GRIK3: variants seen among roughly 807,000 people sequenced by gnomAD.
GRIK3 encodes the protein glutamate receptor ionotropic, kainate 3.
In GRIK3, 29 loss-of-function variants were observed where a neutral mutation model predicts 102.5. That is an observed-to-expected ratio of 0.28 (90% CI 0.21 to 0.39). GRIK3 has a LOEUF of 0.39. GRIK3 is among the 10% of genes least tolerant of loss of function. The pLI is 1.00. For missense variants in GRIK3, 908 were observed against 1,252.4 expected (o/e 0.73, Z 4.15); for synonymous variants, 511 against 504.9 (o/e 1.01, Z -0.16).
intron 13 of GRIK3, among the ~76,000 whole-genome samples, chr1:36,807,111 T>C (rs551117424): frequency 6.8e-4 from 104 of 152,232 alleles, no homozygotes; most frequent in Non-Finnish European, 1.3e-3. Context: ...CCCCTTCAGC[T>C]ACACCAGAGC....
intron 13 of GRIK3, among the ~76,000 whole-genome samples, chr1:36,816,429 G>C (rs2124188671): frequency 6.6e-6 from 1 of 152,296 alleles, no homozygotes. Context: ...TACTCCAGTA[G>C]AAAGTGGAAA....
In GRIK3 at chr1:36,890,281, G is replaced by C. The variant is rs969430627; in HGVS notation, c.292+639C>G. Among the ~76,000 whole-genome samples, 3 of 152,032 alleles carry C rather than the reference G, an allele frequency of 2.0e-5. No homozygotes were observed. In the East Asian group the frequency reaches 5.8e-4, roughly 29 times the overall value. ...AGTTCAAGACCAGCCTGGACAACAT[G>C]GTGAAACCCTATCTCTACTAAAAAT... On this transcript the variant is annotated intron_variant, in intron 2 of 15. Transcript: ENST00000373091.
chr1:36,814,994 G>A (rs1387058572), intron 13 of GRIK3, among the ~76,000 whole-genome samples: 1 of 152,062 alleles, frequency 6.6e-6, no homozygotes, highest in East Asian at 1.9e-4. Context: ...GTTGTGCACA[G>A]GCACATGTGT....
intron 15 of GRIK3, chr1:36,804,511 C>T (rs1360862323): frequency 1.2e-5 from 2 of 172,594 alleles, no homozygotes; most frequent in Non-Finnish European, 2.4e-5. Flanking sequence ...CTTGGGCCAA[C>T]CCTGTTAACT....
chr1:36,883,538 A>G (rs1305422391), intron 2 of GRIK3, among the ~76,000 whole-genome samples: 2 of 152,222 alleles, frequency 1.3e-5, no homozygotes, highest in Admixed American at 1.3e-4. Flanking sequence ...GACCCAAGGA[A>G]GAGGCCCACG....
intron 11 of GRIK3, among the ~76,000 whole-genome samples, chr1:36,824,129 A>C (rs534491858): frequency 2.9e-4 from 44 of 152,250 alleles, no homozygotes; most frequent in African/African-American, 4.1e-4. Flanking sequence ...CTCCCAGCCT[A>C]ACCTTGGGAA....
At chr1:36,843,820 G>C (rs1640489122) in intron 9 of GRIK3, among the ~76,000 whole-genome samples, 1 of 152,346 alleles carries the variant, frequency 6.6e-6, no homozygotes, top group Non-Finnish European at 1.5e-5. Context: ...TTCAGTGGCT[G>C]TGTGACCATG....
chr1:37,012,392 T>C (rs536018522), intron 1 of GRIK3, among the ~76,000 whole-genome samples: 2 of 152,260 alleles, frequency 1.3e-5, no homozygotes, highest in East Asian at 1.9e-4. Context: ...ACCAAAACAT[T>C]TGGCTGAAGA....
intron 1 of GRIK3, among the ~76,000 whole-genome samples, chr1:36,914,361 A>G (rs190556610): frequency 2.0e-5 from 3 of 152,292 alleles, no homozygotes; most frequent in African/African-American, 4.8e-5. Flanking sequence ...AGTTGAGAAA[A>G]CTAGAAGTTG....
chr1:36,825,796 T>C lies in GRIK3; in HGVS notation c.1561A>G (p.Ile521Val), dbSNP rs1158191894. 6.2e-7 allele frequency: 1 copy of C among 1,612,780 alleles called. No individual in the cohort carries two copies. Among genetic ancestry groups the C allele is most frequent in the Non-Finnish European group, 8.5e-7 (1 of 1,179,438 alleles). The change falls in exon 11 of 16, where the codon ATC becomes GTC. Residue 521 changes from isoleucine to valine, a missense_variant. Around this residue, in one of 3 missense-constraint regions of GRIK3, gnomAD observed 585 missense variants for 824.9 expected, o/e 0.71. Transcript: ENST00000373091. Reference protein sequence around the residue: ...KADLAVAPLTITHVREKAIDF... With the variant: ...KADLAVAPLTVTHVREKAIDF... ...ATGGCCTTCTCTCGAACATGGGTGA[T>C]GGTCAGGGGGGCCACGGCCAGATCT...
chr1:36,869,885 C>T, intron 4 of GRIK3, 84 bp from the exon 5 acceptor site: 2 of 961,856 alleles, frequency 2.1e-6, no homozygotes, highest in Non-Finnish European at 3.4e-6. Context: ...GAGAATGGGA[C>T]TGGCAGTGGG....
At chr1:36,882,941 A>C (rs1328459816) in intron 2 of GRIK3, among the ~76,000 whole-genome samples, 1 of 152,240 alleles carries the variant, frequency 6.6e-6, no homozygotes, top group Non-Finnish European at 1.5e-5. Flanking sequence ...CCACCAACAG[A>C]GCATGAGCAA....
intron 1 of GRIK3, among the ~76,000 whole-genome samples, chr1:36,985,621 A>G (rs2124370333): frequency 6.6e-6 from 1 of 152,254 alleles, no homozygotes; most frequent in African/African-American, 2.4e-5. Context: ...TGGCAGTGGG[A>G]TGATCTTTCC....
chr1:37,005,474 T>C (rs1159876231), intron 1 of GRIK3, among the ~76,000 whole-genome samples: 1 of 152,072 alleles, frequency 6.6e-6, no homozygotes, highest in Non-Finnish European at 1.5e-5. Flanking sequence ...GCAGACACAA[T>C]CCCCAGAAAG....
rs544486669 is a variant in GRIK3, at chr1:36,865,546, G to A, written c.786+4202C>T. ...ATATGACTGAGGGAGAGGACCAGGA[G>A]CACAGCTGGTGCTCCAACCGATGGG... On this transcript the variant is annotated intron_variant, in intron 5 of 15. Transcript: ENST00000373091. 1.7e-4 allele frequency among the ~76,000 whole-genome samples: 26 copies of A among 152,344 alleles called. No individual in the cohort carries two copies. In the East Asian group the frequency reaches 5.0e-3, roughly 29 times the overall value.
At chr1:37,032,577 G>A (rs1569591280) in intron 1 of GRIK3, among the ~76,000 whole-genome samples, 2 of 152,274 alleles carry the variant, frequency 1.3e-5, no homozygotes, top group South Asian at 4.1e-4. Context: ...CATTTCGGTT[G>A]TCAGGAGCAA....
chr1:36,846,864 G>T (rs889600044), intron 9 of GRIK3, among the ~76,000 whole-genome samples: 1 of 152,236 alleles, frequency 6.6e-6, no homozygotes, highest in East Asian at 1.9e-4. Context: ...CTCCTCAGGA[G>T]ACTCCAAGGA....
At chr1:37,013,298 G>C (rs531286073) in intron 1 of GRIK3, among the ~76,000 whole-genome samples, 1 of 152,192 alleles carries the variant, frequency 6.6e-6, no homozygotes, top group African/African-American at 2.4e-5. Flanking sequence ...TGAGATCTGG[G>C]TGGGGACACA....
chr1:37,007,799 T>C (rs538200626), intron 1 of GRIK3, among the ~76,000 whole-genome samples: 4 of 152,244 alleles, frequency 2.6e-5, no homozygotes, highest in African/African-American at 9.6e-5. Flanking sequence ...TTGAGCACAG[T>C]AGAAGCCATA....
Sources: gnomAD v4.1 joint callset for allele counts (sites outside exome capture counted in the v4.1 genomes callset) on GRCh38, gnomAD v4.1.1 for gene constraint, gnomAD v4.1.1 regional missense constraint, MANE v1.5 for transcripts, NCBI Gene and HGNC (gene_info 2026-07-23, HGNC 2026-07-21) for gene names.